PLD1: variants seen among roughly 807,000 people sequenced by gnomAD.
The protein encoded by PLD1 is phospholipase D1.
PLD1 carries 112 observed loss-of-function variants against 137.1 expected under a neutral mutation model. The ratio of observed to expected loss-of-function variants is 0.82; its 90% CI spans 0.70 to 0.96. The LOEUF (loss-of-function observed/expected upper bound fraction) is 0.96. PLD1 is among the 40% of genes least tolerant of loss of function. PLD1 has a pLI of 0.00. For synonymous variants in PLD1, 431 were observed against 454.7 expected (o/e 0.95, Z 0.66); for missense variants, 1,321 against 1,342.0 (o/e 0.98, Z 0.24).
intron 11 of PLD1, among the ~76,000 whole-genome samples, chr3:171,702,559 T>C (rs1000290802): frequency 6.6e-6 from 1 of 151,862 alleles, no homozygotes; most frequent in Admixed American, 6.6e-5. Context: ...ATTAAATGAA[T>C]AATAACTATT....
intron 1 of PLD1, among the ~76,000 whole-genome samples, chr3:171,799,798 C>T (rs1723574568): frequency 6.6e-6 from 1 of 152,162 alleles, no homozygotes; most frequent in African/African-American, 2.4e-5. Flanking sequence ...CCTCTCCCTC[C>T]CCAAACCCAT....
intron 1 of PLD1, among the ~76,000 whole-genome samples, chr3:171,768,564 G>A (rs572252019): frequency 2.0e-5 from 3 of 152,318 alleles, no homozygotes; most frequent in Non-Finnish European, 4.4e-5. Context: ...ACCAAGGTTC[G>A]ACGGTCAGAA....
At chr3:171,728,270 C>T (rs59557553) in intron 6 of PLD1, among the ~76,000 whole-genome samples, 54,919 of 152,022 alleles carry the variant, frequency 0.36, 11,037 homozygotes, top group African/African-American at 0.52. Flanking sequence ...GAGCGGAGAT[C>T]GTGCCCCTGC....
At chr3:171,696,885 G>C (rs763419138) in intron 12 of PLD1, among the ~76,000 whole-genome samples, 3 of 152,154 alleles carry the variant, frequency 2.0e-5, no homozygotes, top group African/African-American at 7.2e-5. Flanking sequence ...CCAAGAAGTG[G>C]ATGAAATGGA....
intron 1 of PLD1, among the ~76,000 whole-genome samples, chr3:171,795,719 T>C (rs1723408293): frequency 6.6e-6 from 1 of 152,236 alleles, no homozygotes; most frequent in African/African-American, 2.4e-5. Flanking sequence ...TGTGTTTTAC[T>C]CATGCTATTC....
intron 1 of PLD1, among the ~76,000 whole-genome samples, chr3:171,764,898 AGG>A (rs1426558612): frequency 0.063 from 2,144 of 33,920 alleles, 369 homozygotes; most frequent in Middle Eastern, 0.077. Flanking sequence ...AAAGAAAGGA[AGG>A]AAGGAAGGAA....
chr3:171,601,458 C>T lies in PLD1; in HGVS notation c.*1620G>A, dbSNP rs1731825118. ...ATGGCTATAGAATGAAGTCATTTTA[C>T]CATCTTTAGCCATATGAAAAATAAG... On this transcript the variant is annotated 3_prime_UTR_variant, in exon 27 of 27. Coordinates refer to ENST00000351298, the MANE Select transcript of PLD1 (RefSeq NM_002662.5). 1 of 151,480 alleles carries T rather than the reference C, an allele frequency of 6.6e-6. No individual in the cohort carries two copies. The highest frequency in any genetic ancestry group is 6.6e-5 in the Admixed American group (1 of 15,248). The allele number at this position is 151,480 out of a possible 1,614,324, so 9.4% of individuals were successfully genotyped here. A position where few individuals can be genotyped will look rare whatever the true frequency, so the allele number is the denominator to read the frequency against.
chr3:171,632,331 T>C (rs909477722), intron 23 of PLD1, among the ~76,000 whole-genome samples: 3 of 152,210 alleles, frequency 2.0e-5, no homozygotes, highest in African/African-American at 7.2e-5. Flanking sequence ...CATGTGACAA[T>C]GTCACAAATT....
chr3:171,770,285 T>C (rs1205940704), intron 1 of PLD1, among the ~76,000 whole-genome samples: 1 of 152,224 alleles, frequency 6.6e-6, no homozygotes, highest in African/African-American at 2.4e-5. Context: ...CAATTGGGCT[T>C]AATCCACCTG....
chr3:171,688,677 G>C lies in PLD1; in HGVS notation c.1538C>G (p.Pro513Arg), dbSNP rs1714814650. ...TCCATAAAGGTTAAATATACTTACT[G>C]GGAGGGAACCCAGAGACGGTCCTGA... ...VTSGPSLGSL[P>R]PAAMESMESL... The change falls in exon 14 of 27, where the codon CCA becomes CGA. Residue 513 changes from proline (P) to arginine (R), a missense_variant and splice_region_variant. By Grantham distance (103) the Pro-to-Arg change is moderately radical. Transcript: ENST00000351298. 6.2e-7 allele frequency: 1 copy of C among 1,608,944 alleles called. No homozygotes were observed. Among genetic ancestry groups the C allele is most frequent in the Admixed American group, 1.7e-5 (1 of 59,996 alleles).
chr3:171,779,179 GA>G (rs1722692917), intron 1 of PLD1, among the ~76,000 whole-genome samples: 1 of 152,172 alleles, frequency 6.6e-6, no homozygotes, highest in South Asian at 2.1e-4. Context: ...CAGCCTGGGG[GA>G]CAGGGCAAGA....
intron 19 of PLD1, among the ~76,000 whole-genome samples, chr3:171,671,451 C>G (rs1712741210): frequency 6.6e-6 from 1 of 152,200 alleles, no homozygotes; most frequent in Non-Finnish European, 1.5e-5. Context: ...CCCTTTGTCT[C>G]TTTCCTCAAA....
At chr3:171,646,350 C>T (rs1291712492) in intron 21 of PLD1, among the ~76,000 whole-genome samples, 2 of 152,138 alleles carry the variant, frequency 1.3e-5, no homozygotes, top group Non-Finnish European at 2.9e-5. Context: ...ATTTTTCTTT[C>T]ATGTGAATAT....
Position 171,612,304 on chromosome 3 carries a change from G to C in PLD1, c.2857C>G (p.Arg953Gly), listed in dbSNP as rs770028037. The C allele has an allele frequency of 2.5e-6, 4 of 1,614,044 alleles. No individual in the cohort carries two copies. In the Admixed American group the frequency reaches 5.0e-5, roughly 20 times the overall value. The part of the protein sequence containing the change: ...GKEYQAGRFA[R>G]GLRLQCFRVV... ...CTAAAGCACTGTAGCCGAAGTCCTC[G>C]GGCAAACCGGCCAGCTTGGTACTCT... The change falls in exon 25 of 27, where the codon CGA (arginine) becomes GGA (glycine). Residue 953 changes from arginine to glycine, a missense_variant. Arg to Gly is a moderately radical substitution (Grantham distance 125, BLOSUM62 -2). Transcript: ENST00000351298. This position sits in a 1 kb window ranked among gnomAD's most constrained non-coding sequence, Gnocchi z 4.1.
At chr3:171,787,056 C>A (rs1723036490) in intron 1 of PLD1, among the ~76,000 whole-genome samples, 1 of 152,174 alleles carries the variant, frequency 6.6e-6, no homozygotes, top group African/African-American at 2.4e-5. Context: ...TTACTGAGTT[C>A]ATATCTACAG....
chr3:171,764,244 G>A (rs1280797607), intron 1 of PLD1, among the ~76,000 whole-genome samples: 1 of 152,122 alleles, frequency 6.6e-6, no homozygotes, highest in Non-Finnish European at 1.5e-5. Flanking sequence ...AAAGGGCTGA[G>A]GTTACAGGCA....
At chr3:171,735,103 T>A in intron 4 of PLD1, 133 bp from the exon 5 acceptor site, 1 of 616,394 alleles carries the variant, frequency 1.6e-6, no homozygotes, top group Non-Finnish European at 2.9e-6. Flanking sequence ...ATAGACTAGT[T>A]AGCCGATATT....
intron 1 of PLD1, among the ~76,000 whole-genome samples, chr3:171,744,362 C>T (rs1719987145): frequency 1.3e-5 from 2 of 152,204 alleles, no homozygotes. Context: ...AATCACCCAG[C>T]CGCCTTTCCT....
intron 1 of PLD1, among the ~76,000 whole-genome samples, chr3:171,808,279 G>GT (rs1452335398): frequency 3.9e-5 from 6 of 152,048 alleles, no homozygotes; most frequent in Non-Finnish European, 7.4e-5. Flanking sequence ...GCTCACGCCT[G>GT]TAATCCCAGC....
Sources: gnomAD v4.1 joint callset for allele counts (sites outside exome capture counted in the v4.1 genomes callset) on GRCh38, gnomAD v4.1.1 for gene constraint, Gnocchi (gnomAD v3.1) non-coding constraint, MANE v1.5 for transcripts, NCBI Gene and HGNC (gene_info 2026-07-23, HGNC 2026-07-21) for gene names.